Variants in GNAL observed in about 807,000 individuals in gnomAD.
The protein encoded by GNAL is G protein subunit alpha L, also known as guanine nucleotide-binding protein G(olf) subunit alpha.
Under a neutral mutation model 55.1 loss-of-function variants are expected in GNAL, and 18 were observed. The ratio of observed to expected loss-of-function variants is 0.33; its 90% CI spans 0.23 to 0.48. GNAL has a LOEUF of 0.48. GNAL is among the 20% of genes least tolerant of loss of function. The pLI is 0.99. For synonymous variants in GNAL, 253 were observed against 237.0 expected (o/e 1.07, Z -0.62); for missense variants, 412 against 614.1 (o/e 0.67, Z 3.48).
At chr18:11,769,718 G>A (rs2033573675) in intron 4 of GNAL, among the ~76,000 whole-genome samples, 1 of 152,152 alleles carries the variant, frequency 6.6e-6, no homozygotes, top group African/African-American at 2.4e-5. Flanking sequence ...ATGGCAAAAA[G>A]ATAAACAAAT....
intron 1 of GNAL, among the ~76,000 whole-genome samples, chr18:11,699,139 C>T (rs1598400382): frequency 1.3e-5 from 2 of 152,232 alleles, no homozygotes; most frequent in East Asian, 3.9e-4. Context: ...TCTCACCTGA[C>T]AGCACCCAGG....
At chr18:11,784,356 G>A (rs1048783542) in intron 4 of GNAL, among the ~76,000 whole-genome samples, 4 of 152,194 alleles carry the variant, frequency 2.6e-5, no homozygotes, top group African/African-American at 7.2e-5. Flanking sequence ...AACCAACCAC[G>A]TGGCCACAGG....
chr18:11,689,594 CT>C lies in GNAL; in HGVS notation c.35del (p.Phe12SerfsTer70). 1 of 1,334,872 alleles carries C rather than the reference CT, an allele frequency of 7.5e-7. No individual in the cohort carries two copies. Among genetic ancestry groups the C allele is most frequent in the South Asian group, 2.0e-5 (1 of 49,314 alleles). The allele number at this position is 1,334,872 out of a possible 1,614,324, so 82.7% of individuals were successfully genotyped here. A position where few individuals can be genotyped will look rare whatever the true frequency, so the allele number is the denominator to read the frequency against. On this transcript the variant is annotated frameshift_variant, in exon 1 of 12. Transcript: ENST00000334049. LOFTEE classifies it high-confidence loss of function. ...TCTGTGCTACAGTCTGCGGCCGCTG[CT>C]TTTCGGGGGCCCAGGGGACGACCCC... Reference protein sequence around the residue: MGLCYSLRPLLFGGPGDDPCA... With the variant: MGLCYSLRPLXFGGPGDDPCA...
chr18:11,769,916 T>A (rs547497497), intron 4 of GNAL, among the ~76,000 whole-genome samples: 140 of 152,314 alleles, frequency 9.2e-4, no homozygotes, highest in African/African-American at 2.5e-3. Flanking sequence ...AACATTTTTT[T>A]AAAAATATTA....
At chr18:11,750,818 A>G (rs1250244645) in intron 1 of GNAL, among the ~76,000 whole-genome samples, 1 of 152,060 alleles carries the variant, frequency 6.6e-6, no homozygotes, top group Non-Finnish European at 1.5e-5. Context: ...GTGAGATGAA[A>G]GGTGTTGTGT....
chr18:11,784,450 C>G (rs1001462318), intron 4 of GNAL, among the ~76,000 whole-genome samples: 50 of 152,304 alleles, frequency 3.3e-4, no homozygotes, highest in Non-Finnish European at 4.3e-4. Flanking sequence ...ATGATGACAC[C>G]CCTGCACTTA....
intron 1 of GNAL, among the ~76,000 whole-genome samples, chr18:11,723,387 C>T (rs955623409): frequency 1.3e-5 from 2 of 152,294 alleles, no homozygotes; most frequent in South Asian, 2.1e-4. Context: ...ATTCTTAGCT[C>T]ATACAAAAAC....
chr18:11,831,822 C>G (rs1434506477), intron 5 of GNAL, among the ~76,000 whole-genome samples: 1 of 152,192 alleles, frequency 6.6e-6, no homozygotes, highest in Admixed American at 6.5e-5. Context: ...CAGTCGGTGG[C>G]CATTTGTGTG....
intron 1 of GNAL, among the ~76,000 whole-genome samples, chr18:11,721,255 A>G (rs2032085646): frequency 6.6e-6 from 1 of 152,226 alleles, no homozygotes; most frequent in African/African-American, 2.4e-5. Context: ...ACAGATTCAA[A>G]CATTGTCCGC....
intron 4 of GNAL, among the ~76,000 whole-genome samples, chr18:11,778,682 G>A (rs1453893075): frequency 6.6e-6 from 1 of 152,070 alleles, no homozygotes; most frequent in Admixed American, 6.5e-5. Context: ...TGGGGTCAGT[G>A]TGGTGGGTGC....
chr18:11,836,464 AAAT>A (rs1275533122), intron 5 of GNAL, among the ~76,000 whole-genome samples: 2 of 151,932 alleles, frequency 1.3e-5, no homozygotes, highest in African/African-American at 2.4e-5. Flanking sequence ...TAATAATAAT[AAAT>A]AATAATAATA....
At chr18:11,842,342 G>C (rs1262156033) in intron 5 of GNAL, among the ~76,000 whole-genome samples, 1 of 152,040 alleles carries the variant, frequency 6.6e-6, no homozygotes, top group Non-Finnish European at 1.5e-5. Flanking sequence ...TTGGCACCAG[G>C]GACTGGTTTC....
At chr18:11,719,233 A>G (rs145410820) in intron 1 of GNAL, among the ~76,000 whole-genome samples, 289 of 152,306 alleles carry the variant, frequency 1.9e-3, no homozygotes, top group Admixed American at 0.012. Context: ...TCACAATTTA[A>G]ATGAAGACAC....
intron 4 of GNAL, among the ~76,000 whole-genome samples, chr18:11,792,127 G>T (rs546121315): frequency 1.1e-3 from 166 of 152,028 alleles, no homozygotes; most frequent in Non-Finnish European, 2.0e-3. Flanking sequence ...CATAGCTTTG[G>T]TCACGAAATT....
At chr18:11,841,816 G>A (rs1393006315) in intron 5 of GNAL, among the ~76,000 whole-genome samples, 6 of 152,074 alleles carry the variant, frequency 3.9e-5, no homozygotes, top group Non-Finnish European at 8.8e-5. Flanking sequence ...TGTTACAAAT[G>A]CATCAGGTTT....
rs1387993211 is a variant in GNAL, at chr18:11,862,463, G to A, written c.777+14G>A. 6.3e-7 allele frequency: 1 copy of A among 1,577,808 alleles called. No homozygotes were observed. Among genetic ancestry groups the A allele is most frequent in the Admixed American group, 1.7e-5 (1 of 59,906 alleles). On this transcript the variant is annotated intron_variant, in intron 6 of 11. Transcript: ENST00000334049. ...CCCACAGACCAGGTATGTGGAATTA[G>A]GGTCCCCCACCACACACCAGAAACT...
chr18:11,819,390 T>C (rs927186506), intron 4 of GNAL, among the ~76,000 whole-genome samples: 1 of 152,216 alleles, frequency 6.6e-6, no homozygotes, highest in Non-Finnish European at 1.5e-5. Flanking sequence ...TTTTTTAAAC[T>C]TTAGTTTAAA....
intron 4 of GNAL, among the ~76,000 whole-genome samples, chr18:11,807,004 C>T (rs2034680832): frequency 6.6e-6 from 1 of 151,920 alleles, no homozygotes; most frequent in Non-Finnish European, 1.5e-5. Context: ...ACTAAAAATA[C>T]AAAAATTAGC....
intron 1 of GNAL, among the ~76,000 whole-genome samples, chr18:11,736,091 A>T (rs2032456891): frequency 6.6e-6 from 1 of 152,058 alleles, no homozygotes; most frequent in Admixed American, 6.6e-5. Context: ...AGAGGGAGAG[A>T]CTTCTTTTAT....
Sources: gnomAD v4.1 joint callset for allele counts (sites outside exome capture counted in the v4.1 genomes callset) on GRCh38, gnomAD v4.1.1 for gene constraint, MANE v1.5 for transcripts, NCBI Gene and HGNC (gene_info 2026-07-23, HGNC 2026-07-21) for gene names.